Variants in FHIT observed in about 807,000 individuals in gnomAD.
FHIT encodes bis(5'-adenosyl)-triphosphatase.
A neutral mutation model predicts 17.9 loss-of-function variants in FHIT; 19 were observed. The ratio of observed to expected loss-of-function variants is 1.06; its 90% CI spans 0.74 to 1.56. The LOEUF (loss-of-function observed/expected upper bound fraction) is 1.56, where lower values mean the gene tolerates loss of function less well. FHIT is among the 40% of genes most tolerant of loss of function. The pLI is 0.00. For missense variants in FHIT, 248 were observed against 189.2 expected, an observed-to-expected ratio of 1.31 and a Z score of -1.82; for synonymous variants, 81 against 69.7, an observed-to-expected ratio of 1.16 and a Z score of -0.81.
chr3:59,961,825 G>C (rs558091555), intron 7 of FHIT, among the ~76,000 whole-genome samples: 89 of 152,274 alleles, frequency 5.8e-4, no homozygotes, highest in Non-Finnish European at 1.0e-3. Context: ...CATTGATCTC[G>C]CTGGAAGCTG....
At chr3:61,136,378 A>T (rs1440925837) in intron 2 of FHIT, among the ~76,000 whole-genome samples, 3 of 152,110 alleles carry the variant, frequency 2.0e-5, no homozygotes, top group Non-Finnish European at 4.4e-5. Context: ...TGGCTCAAAA[A>T]CTTGATTTGG....
chr3:60,390,722 C>T (rs1461829792), intron 5 of FHIT, among the ~76,000 whole-genome samples: 1 of 151,182 alleles, frequency 6.6e-6, no homozygotes, highest in Non-Finnish European at 1.5e-5. Context: ...TAACAAAAAA[C>T]TTTAAAAAGA....
chr3:60,425,217 C>T (rs570269698), intron 5 of FHIT, among the ~76,000 whole-genome samples: 1 of 152,228 alleles, frequency 6.6e-6, no homozygotes, highest in South Asian at 2.1e-4. Flanking sequence ...ACAGGGCTGA[C>T]TATTCAGATG....
chr3:60,699,878 T>C (rs1327494123), intron 4 of FHIT, among the ~76,000 whole-genome samples: 16 of 151,980 alleles, frequency 1.1e-4, no homozygotes, highest in Admixed American at 1.0e-3. Context: ...GTACAGTGGT[T>C]CACACCTGTA....
chr3:60,294,142 G>T lies in FHIT; in HGVS notation c.103+242718C>A, dbSNP rs572218717. Reference sequence around the variant, plus strand: ...TCTACAGGACTTAAAAAAGCATAGGGAGTGAATATGGGGTCATAGCTTCTG... The same window carrying T: ...TCTACAGGACTTAAAAAAGCATAGGTAGTGAATATGGGGTCATAGCTTCTG... On this transcript the variant is annotated intron_variant, in intron 5 of 9. Coordinates refer to ENST00000492590, the MANE Select transcript of FHIT (RefSeq NM_002012.4). 2.2e-3 allele frequency among the ~76,000 whole-genome samples: 334 copies of T among 152,242 alleles called. 2 individuals are homozygous for T. The highest frequency in any genetic ancestry group is 4.0e-3 in the Non-Finnish European group (273 of 68,006).
At chr3:59,800,548 G>C (rs1041468851) in intron 8 of FHIT, among the ~76,000 whole-genome samples, 43 of 152,162 alleles carry the variant, frequency 2.8e-4, no homozygotes, top group African/African-American at 9.9e-4. Context: ...TTCAAAATGA[G>C]TTTAAAGCTA....
At chr3:60,120,103 AC>A (rs1705179536) in intron 5 of FHIT, among the ~76,000 whole-genome samples, 1 of 152,092 alleles carries the variant, frequency 6.6e-6, no homozygotes, top group South Asian at 2.1e-4. Context: ...CACACCTTCC[AC>A]CAACCTTTTC....
intron 3 of FHIT, among the ~76,000 whole-genome samples, chr3:60,925,821 T>C (rs1165414882): frequency 6.6e-6 from 1 of 152,110 alleles, no homozygotes; most frequent in African/African-American, 2.4e-5. Flanking sequence ...CCATCTCACA[T>C]GCAGAGACAC....
At chr3:60,096,087 G>C (rs1321714631) in intron 5 of FHIT, among the ~76,000 whole-genome samples, 1 of 152,160 alleles carries the variant, frequency 6.6e-6, no homozygotes, top group Non-Finnish European at 1.5e-5. Flanking sequence ...CCCTGCCCAG[G>C]CCTCACTCGG....
chr3:59,986,598 T>C lies in FHIT; in HGVS notation c.279+24773A>G, dbSNP rs1416908026. 7.3e-4 allele frequency among the ~76,000 whole-genome samples: 59 copies of C among 80,376 alleles called. 10 individuals are homozygous for C. Among genetic ancestry groups the C allele is most frequent in the African/African-American group, 3.3e-3 (53 of 15,920 alleles). The allele number at this position is 80,376 out of a possible 152,430, so 52.7% of individuals were successfully genotyped here. A position where few individuals can be genotyped will look rare whatever the true frequency, so the allele number is the denominator to read the frequency against. ...ATACACACACACACACACACACACA[T>C]ATATATGTGTACATATATGTCTAGG... On this transcript the variant is annotated intron_variant, in intron 7 of 9. Transcript: ENST00000492590.
intron 5 of FHIT, among the ~76,000 whole-genome samples, chr3:60,345,855 A>ACC (rs111416930): frequency 0.15 from 22,472 of 152,126 alleles, 1,723 homozygotes; most frequent in Non-Finnish European, 0.16. Flanking sequence ...CACAGTTACT[A>ACC]ACATATTTGT....
chr3:60,559,401 G>A lies in FHIT; in HGVS notation c.-17-22422C>T, dbSNP rs560517775. ...GTGAAGCATGCATTTGCTGTGGCAC[G>A]CACTCTCAGTTACAGCTAAATTCCC... On this transcript the variant is annotated intron_variant, in intron 4 of 9. Transcript: ENST00000492590. Among the ~76,000 whole-genome samples the A allele has an allele frequency of 1.3e-4, 20 of 152,274 alleles. No individual in the cohort carries two copies. In the South Asian group the frequency reaches 1.9e-3, roughly 14 times the overall value.
At position 60,797,455 on chromosome 3, in the gene FHIT, CAGTAGTAGTAGTAGTAGTAGT is replaced by C. The variant is rs59090057; in HGVS notation, c.-18+24443_-18+24463del. ...GACAGATTCTGGCATAAAGAAATTG[CAGTAGTAGTAGTAGTAGTAGT>C]AGTAGTAGTAGTAGTAGTAGTTAGT... On this transcript the variant is annotated intron_variant, in intron 4 of 9. Transcript: ENST00000492590. Among the ~76,000 whole-genome samples, 23 of 148,108 alleles carry C rather than the reference CAGTAGTAGTAGTAGTAGTAGT, an allele frequency of 1.6e-4. 1 individual carries two copies. The highest frequency in any genetic ancestry group is 6.1e-4 in the Admixed American group (9 of 14,664).
intron 5 of FHIT, among the ~76,000 whole-genome samples, chr3:60,236,153 T>C (rs1704773332): frequency 6.6e-6 from 1 of 151,886 alleles, no homozygotes; most frequent in Non-Finnish European, 1.5e-5. Flanking sequence ...TTTCCATGAC[T>C]AGTACCTCAT....
At chr3:59,991,034 C>A (rs2736791) in intron 7 of FHIT, among the ~76,000 whole-genome samples, 88,402 of 151,794 alleles carry the variant, frequency 0.58, 25,970 homozygotes, top group Admixed American at 0.68. Flanking sequence ...CTTAAACATC[C>A]AGATGAGGTA....
chr3:60,789,392 C>T (rs1700702278), intron 4 of FHIT, among the ~76,000 whole-genome samples: 1 of 152,126 alleles, frequency 6.6e-6, no homozygotes, highest in South Asian at 2.1e-4. Context: ...GTGGTGCACA[C>T]CTGTACTCCC....
intron 7 of FHIT, among the ~76,000 whole-genome samples, chr3:59,956,189 A>G (rs1433124087): frequency 6.6e-6 from 1 of 152,038 alleles, no homozygotes; most frequent in African/African-American, 2.4e-5. Context: ...TTCTTCCTTA[A>G]TCTAGTGGTT....
At chr3:60,938,359 C>T (rs1389527811) in intron 3 of FHIT, among the ~76,000 whole-genome samples, 2 of 152,208 alleles carry the variant, frequency 1.3e-5, no homozygotes, top group Non-Finnish European at 2.9e-5. Flanking sequence ...GTCCCCTATA[C>T]CAGGCTTCAG....
At chr3:60,447,760 T>C (rs2031443472) in intron 5 of FHIT, among the ~76,000 whole-genome samples, 1 of 152,138 alleles carries the variant, frequency 6.6e-6, no homozygotes, top group African/African-American at 2.4e-5. Context: ...CCAGTAATAA[T>C]TCACCCTTGA....
Sources: gnomAD v4.1 joint callset for allele counts (sites outside exome capture counted in the v4.1 genomes callset) on GRCh38, gnomAD v4.1.1 for gene constraint, MANE v1.5 for transcripts, NCBI Gene and HGNC (gene_info 2026-07-23, HGNC 2026-07-21) for gene names.